The following CCDC196 variants were observed in gnomAD, a reference collection of about 807,000 sequenced individuals.
The protein encoded by CCDC196 is coiled-coil domain-containing protein 196.
chr14:66,492,285 C>T, intron 8 of CCDC196, 91 bp downstream of exon 8: 1 of 407,864 alleles, frequency 2.5e-6, no homozygotes, highest in Non-Finnish European at 4.4e-6. Context: ...CAACACAATG[C>T]CTGGCACACA....
At chr14:66,498,278 T>C (rs1428012598) in intron 9 of CCDC196, 75 bp from the exon 10 acceptor site, 4 of 412,496 alleles carry the variant, frequency 9.7e-6, no homozygotes, top group African/African-American at 8.2e-5. Context: ...TTTAATATTT[T>C]AGGGGATTTG....
At chr14:66,487,293 C>T (rs966668524) in intron 2 of CCDC196, among the ~76,000 whole-genome samples, 1 of 152,106 alleles carries the variant, frequency 6.6e-6, no homozygotes, top group Admixed American at 6.5e-5. Context: ...TACTTGGGAC[C>T]CACAAACTCT....
chr14:66,490,080 G>A (rs533184742), intron 4 of CCDC196, among the ~76,000 whole-genome samples: 1 of 152,212 alleles, frequency 6.6e-6, no homozygotes, highest in South Asian at 2.1e-4. Flanking sequence ...ATCTGCTCCA[G>A]GTTCTCGTGG....
In CCDC196 at chr14:66,488,892, C is replaced by T. The variant is rs1362382584; in HGVS notation, c.301-95C>T. On this transcript the variant is annotated intron_variant, in intron 3 of 9. Transcript: ENST00000636229. ...CTGTGGTTTACTATGTCCCTGGACCCTTTTTCCACTATTACTTAGTAACTT... is the reference window on the plus strand; with the variant it reads ...CTGTGGTTTACTATGTCCCTGGACCTTTTTTCCACTATTACTTAGTAACTT... 18 of 411,238 alleles carry T rather than the reference C, an allele frequency of 4.4e-5. 1 individual carries two copies. The Admixed American group carries it at 7.5e-4, about 17-fold the overall frequency. 25.5% of individuals were successfully genotyped at this position (411,238 alleles called of 1,614,324 possible).
At chr14:66,495,545 C>A (rs1780787546) in intron 8 of CCDC196, 1 of 152,192 alleles carries the variant, frequency 6.6e-6, no homozygotes, top group Admixed American at 6.5e-5. Context: ...TCTTCTAGAT[C>A]TAAACGCTAT....
intron 8 of CCDC196, 60 bp from the exon 9 acceptor site, chr14:66,498,049 T>C: frequency 2.5e-6 from 1 of 396,476 alleles, no homozygotes; most frequent in Admixed American, 4.7e-5. Flanking sequence ...ACAAAACTAG[T>C]GGTTTTTTTT....
intron 8 of CCDC196, among the ~76,000 whole-genome samples, chr14:66,494,326 T>C (rs975343958): frequency 6.6e-6 from 1 of 152,222 alleles, no homozygotes; most frequent in Non-Finnish European, 1.5e-5. Context: ...GAGTCCTATA[T>C]TTTGGTTATG....
At chr14:66,496,669 A>G in intron 8 of CCDC196, 1 of 210,222 alleles carries the variant, frequency 4.8e-6, no homozygotes, top group Non-Finnish European at 9.8e-6. Context: ...TAGAGAGCAC[A>G]GGTGCTAAGC....
chr14:66,489,474 A>G (rs943760088), intron 4 of CCDC196, among the ~76,000 whole-genome samples: 3 of 152,194 alleles, frequency 2.0e-5, no homozygotes, highest in Admixed American at 6.6e-5. Context: ...ATCTCCTTAG[A>G]GAAGCCATCC....
At chr14:66,496,293 C>A (rs1381475996) in intron 8 of CCDC196, 1 of 456,260 alleles carries the variant, frequency 2.2e-6, no homozygotes, top group Non-Finnish European at 4.4e-6. Flanking sequence ...TTCCTCCTCC[C>A]ACTGTCCGAT....
At chr14:66,493,861 GAA>G (rs2057600065) in intron 8 of CCDC196, 1 of 152,204 alleles carries the variant, frequency 6.6e-6, no homozygotes, top group Non-Finnish European at 1.5e-5. Context: ...AGACAGAAGA[GAA>G]GAGGGTTATG....
chr14:66,494,538 CTTCTT>C (rs2057617161), intron 8 of CCDC196: 2 of 152,096 alleles, frequency 1.3e-5, no homozygotes, highest in South Asian at 4.1e-4. Flanking sequence ...TTTACATTGA[CTTCTT>C]TAGTTTCCTA....
intron 8 of CCDC196, among the ~76,000 whole-genome samples, chr14:66,497,128 C>A (rs376618483): frequency 6.6e-6 from 1 of 152,090 alleles, no homozygotes; most frequent in Non-Finnish European, 1.5e-5. Context: ...AGCTCAAATC[C>A]GGGTCCTTGA....
At chr14:66,493,529 A>T (rs2057591676) in intron 8 of CCDC196, among the ~76,000 whole-genome samples, 1 of 152,230 alleles carries the variant, frequency 6.6e-6, no homozygotes, top group Non-Finnish European at 1.5e-5. Context: ...ATTTCAAAAT[A>T]AATTCAGAAT....
intron 2 of CCDC196, among the ~76,000 whole-genome samples, 199 bp from the exon 3 acceptor site, chr14:66,487,961 C>T (rs2057448314): frequency 1.3e-5 from 2 of 152,110 alleles, no homozygotes; most frequent in Non-Finnish European, 2.9e-5. Flanking sequence ...CATTCTAGAG[C>T]ACATAGATAG....
intron 8 of CCDC196, chr14:66,495,759 C>G (rs1032428196): frequency 1.3e-5 from 2 of 154,072 alleles, no homozygotes; most frequent in African/African-American, 4.8e-5. Context: ...TTCTATTACT[C>G]TCAGGACAAA....
At chr14:66,488,670 A>G (rs1054244621) in intron 3 of CCDC196, among the ~76,000 whole-genome samples, 2 of 152,194 alleles carry the variant, frequency 1.3e-5, no homozygotes, top group Admixed American at 1.3e-4. Context: ...ATTAAAAATT[A>G]GTGGTCTAAG....
intron 8 of CCDC196, chr14:66,496,245 G>A (rs1424996690): frequency 3.3e-5 from 15 of 456,090 alleles, no homozygotes; most frequent in Non-Finnish European, 6.6e-5. Context: ...GCATTTCCAA[G>A]TAGATGAAGA....
chr14:66,486,597 TC>T (rs2057404549), intron 1 of CCDC196, 45 bp downstream of exon 1: 6 of 412,108 alleles, frequency 1.5e-5, no homozygotes, highest in Non-Finnish European at 2.7e-5. Context: ...AGGGTCTCTC[TC>T]TCTCTCTCTC....
Sources: allele counts gnomAD v4.1 joint callset (sites outside exome capture counted in the v4.1 genomes callset), GRCh38; gene constraint gnomAD v4.1.1; transcripts MANE v1.5; gene names NCBI Gene and HGNC (gene_info 2026-07-23, HGNC 2026-07-21).